The following DOCK4 variants were observed in gnomAD, a reference collection of about 807,000 sequenced individuals.
DOCK4 encodes dedicator of cytokinesis 4.
In DOCK4, 97 loss-of-function variants were observed where a neutral mutation model predicts 268.1. That is an observed-to-expected ratio of 0.36 (90% CI 0.31 to 0.43). The LOEUF (loss-of-function observed/expected upper bound fraction) is 0.43, where lower values mean the gene tolerates loss of function less well. Among genes scored for constraint, DOCK4 ranks in the 20% least tolerant of loss-of-function variants. DOCK4 has a pLI of 1.00. For missense variants in DOCK4, 2,145 were observed against 2,455.7 expected, an observed-to-expected ratio of 0.87 and a Z score of 2.67; for synonymous variants, 954 against 887.2, an observed-to-expected ratio of 1.08 and a Z score of -1.34.
intron 32 of DOCK4, among the ~76,000 whole-genome samples, chr7:111,787,775 A>G (rs1162540602): frequency 6.6e-6 from 1 of 152,240 alleles, no homozygotes; most frequent in Non-Finnish European, 1.5e-5. Context: ...ATATTTTGTC[A>G]TAGAAAAAAA....
intron 1 of DOCK4, among the ~76,000 whole-genome samples, chr7:112,042,978 T>C (rs753938994): frequency 1.2e-4 from 18 of 152,234 alleles, no homozygotes; most frequent in Non-Finnish European, 2.5e-4. Flanking sequence ...TCTCCCACCA[T>C]GTGGTGTTTT....
intron 1 of DOCK4, among the ~76,000 whole-genome samples, chr7:112,037,877 T>C (rs1263290994): frequency 1.3e-5 from 2 of 152,208 alleles, no homozygotes; most frequent in Non-Finnish European, 2.9e-5. Flanking sequence ...AAAGTTCCAG[T>C]TGCTCCATAT....
intron 2 of DOCK4, 140 bp from the exon 3 acceptor site, chr7:112,000,674 T>G: frequency 1.9e-6 from 1 of 520,802 alleles, no homozygotes. Flanking sequence ...GGTATTGGCC[T>G]TAGGCTACAA....
chr7:111,729,211 C>T (rs1180870545), intron 52 of DOCK4, among the ~76,000 whole-genome samples: 1 of 152,162 alleles, frequency 6.6e-6, no homozygotes, highest in Non-Finnish European at 1.5e-5. Context: ...TCTGCGAGGG[C>T]CACCAGTCCT....
chr7:112,041,716 A>G (rs1422324666), intron 1 of DOCK4, among the ~76,000 whole-genome samples: 1 of 152,212 alleles, frequency 6.6e-6, no homozygotes, highest in Non-Finnish European at 1.5e-5. Context: ...TTTGGAAAAG[A>G]TACTTCCCAC....
intron 22 of DOCK4, among the ~76,000 whole-genome samples, chr7:111,866,832 G>C (rs1743739194): frequency 1.3e-5 from 2 of 152,220 alleles, no homozygotes; most frequent in African/African-American, 2.4e-5. Context: ...CTCAAATTCT[G>C]AATTACTTTT....
chr7:112,076,466 C>T (rs949502185), intron 1 of DOCK4, among the ~76,000 whole-genome samples: 5 of 152,068 alleles, frequency 3.3e-5, no homozygotes, highest in African/African-American at 1.2e-4. Context: ...CACCTTGGCA[C>T]ACTTCCACAA....
rs116017820 is a variant in DOCK4, at chr7:112,042,567, C to T, written c.38-38436G>A. On this transcript the variant is annotated intron_variant, in intron 1 of 52. Coordinates refer to ENST00000428084, the MANE Select transcript of DOCK4 (RefSeq NM_001363540.2). ...TGACAAAAAAACAGAGCAAATAAGT[C>T]GGGAAAAAAATGGTATTTAGTTGAT... 2.6e-3 allele frequency among the ~76,000 whole-genome samples: 394 copies of T among 152,098 alleles called. 2 individuals are homozygous for T. Among genetic ancestry groups the T allele is most frequent in the African/African-American group, 8.8e-3 (366 of 41,492 alleles).
intron 28 of DOCK4, among the ~76,000 whole-genome samples, chr7:111,810,012 A>T (rs1800975913): frequency 6.6e-6 from 1 of 151,818 alleles, no homozygotes; most frequent in Admixed American, 6.6e-5. Context: ...GACATAATGG[A>T]AGGAACACAC....
intron 23 of DOCK4, 55 bp from the exon 24 acceptor site, chr7:111,847,181 A>G (rs1804174884): frequency 6.3e-7 from 1 of 1,598,230 alleles, no homozygotes; most frequent in Non-Finnish European, 8.5e-7. Context: ...CGCAATACCT[A>G]GGGCAAATCC....
intron 1 of DOCK4, among the ~76,000 whole-genome samples, chr7:112,129,926 C>T (rs1563114016): frequency 1.3e-5 from 2 of 152,144 alleles, no homozygotes; most frequent in Non-Finnish European, 2.9e-5. Flanking sequence ...AATGAAGAAG[C>T]AAATGCATTA....
chr7:111,838,358 GA>G, intron 25 of DOCK4, among the ~76,000 whole-genome samples: 1 of 152,094 alleles, frequency 6.6e-6, no homozygotes, highest in African/African-American at 2.4e-5. Flanking sequence ...TGTCAAAACA[GA>G]AAAACAGGTA....
intron 1 of DOCK4, among the ~76,000 whole-genome samples, chr7:112,123,022 C>T (rs1812882039): frequency 6.6e-6 from 1 of 152,156 alleles, no homozygotes; most frequent in Admixed American, 6.5e-5. Context: ...TTAATGTATA[C>T]ACAGGGAGAA....
Position 112,162,542 on chromosome 7 carries a change from C to T in DOCK4, c.37+43560G>A, listed in dbSNP as rs75457518. On this transcript the variant is annotated intron_variant, in intron 1 of 52. Coordinates refer to ENST00000428084, the MANE Select transcript of DOCK4 (RefSeq NM_001363540.2). Reference sequence around the variant, plus strand: ...CTCTCTCTCTCTCTCTCTCTCCCCCCTCTCCCTGCCACCCACACACCCCAC... The same window carrying T: ...CTCTCTCTCTCTCTCTCTCTCCCCCTTCTCCCTGCCACCCACACACCCCAC... Among the ~76,000 whole-genome samples, 8 of 151,840 alleles carry T rather than the reference C, an allele frequency of 5.3e-5. No homozygotes were observed. The South Asian group carries it at 1.7e-3, about 32-fold the overall frequency.
Position 111,944,861 on chromosome 7 carries a change from C to A in DOCK4, c.794G>T (p.Ser265Ile). Residue 265 changes from serine (S) to isoleucine (I), a missense_variant, in exon 10 of 53, where the codon AGC becomes ATC. Ser to Ile is a moderately radical substitution (Grantham distance 142, BLOSUM62 -2). Around this residue, in one of 2 missense-constraint regions of DOCK4, gnomAD observed 1,598 missense variants for 1,986.7 expected, o/e 0.80. Coordinates refer to ENST00000428084, the MANE Select transcript of DOCK4 (RefSeq NM_001363540.2). ...RHCSLFVDLG[S>I]SELRKDIYIT... ...ATAAATGTCCTTTCTTAGCTCACTG[C>A]TGCCCAAATCCTACAAACAAAGAAA... 1 of 1,613,934 alleles carries A rather than the reference C, an allele frequency of 6.2e-7. No homozygotes were observed. Among genetic ancestry groups the A allele is most frequent in the South Asian group, 1.1e-5 (1 of 91,068 alleles).
At chr7:112,106,393 A>G (rs1053949757) in intron 1 of DOCK4, among the ~76,000 whole-genome samples, 3 of 152,200 alleles carry the variant, frequency 2.0e-5, no homozygotes, top group Admixed American at 6.5e-5. Context: ...ACCTTTCTGA[A>G]CAATGCATAT....
At chr7:111,929,161 TAA>T (rs1488382123) in intron 12 of DOCK4, among the ~76,000 whole-genome samples, 3 of 152,132 alleles carry the variant, frequency 2.0e-5, no homozygotes, top group African/African-American at 7.2e-5. Context: ...CATGCATATA[TAA>T]GTGTATATGT....
chr7:112,205,906 A>G (rs1821365208), intron 1 of DOCK4, among the ~76,000 whole-genome samples, 196 bp downstream of exon 1: 1 of 151,978 alleles, frequency 6.6e-6, no homozygotes, highest in Non-Finnish European at 1.5e-5. Context: ...GGGCGCGCCG[A>G]GCAGGCGGTG....
chr7:112,181,516 G>A (rs1563163779), intron 1 of DOCK4, among the ~76,000 whole-genome samples: 1 of 151,536 alleles, frequency 6.6e-6, no homozygotes, highest in African/African-American at 2.4e-5. Flanking sequence ...AATTAGCCAG[G>A]GATAGTGGTT....
Sources: allele counts gnomAD v4.1 joint callset (sites outside exome capture counted in the v4.1 genomes callset), GRCh38; gene constraint gnomAD v4.1.1; regional missense constraint gnomAD v4.1.1; transcripts MANE v1.5; gene names NCBI Gene and HGNC (gene_info 2026-07-23, HGNC 2026-07-21).